PLCB1: variants seen among roughly 807,000 people sequenced by gnomAD.
The protein encoded by PLCB1 is 1-phosphatidylinositol 4,5-bisphosphate phosphodiesterase beta-1.
A neutral mutation model predicts 161.8 loss-of-function variants in PLCB1; 46 were observed. The observed-to-expected ratio is 0.28, with a 90% CI of 0.22 to 0.36. PLCB1 has a LOEUF of 0.36. PLCB1 is among the 10% of genes least tolerant of loss of function. The probability of loss-of-function intolerance (pLI) is 1.00; values close to 1 mark genes in which losing one functional copy is unlikely to be tolerated. For missense variants in PLCB1, 1,016 were observed against 1,472.5 expected, an observed-to-expected ratio of 0.69 and a Z score of 5.07; for synonymous variants, 517 against 503.7, an observed-to-expected ratio of 1.03 and a Z score of -0.35.
chr20:8,501,113 G>T (rs1440497562), intron 3 of PLCB1, among the ~76,000 whole-genome samples: 1 of 152,158 alleles, frequency 6.6e-6, no homozygotes, highest in Non-Finnish European at 1.5e-5. Context: ...TACACAAGAG[G>T]CACGCACTGT....
chr20:8,703,479 C>A (rs765388413), intron 11 of PLCB1, among the ~76,000 whole-genome samples: 1 of 152,092 alleles, frequency 6.6e-6, no homozygotes, highest in Non-Finnish European at 1.5e-5. Flanking sequence ...CTACGCTCAA[C>A]CCATGGCATC....
intron 2 of PLCB1, among the ~76,000 whole-genome samples, chr20:8,187,842 T>G (rs984655841): frequency 2.0e-5 from 3 of 151,796 alleles, no homozygotes; most frequent in Non-Finnish European, 2.9e-5. Context: ...CACTACATAT[T>G]TGGTGGTGGT....
intron 2 of PLCB1, among the ~76,000 whole-genome samples, chr20:8,277,723 A>C (rs907384829): frequency 6.6e-6 from 1 of 152,210 alleles, no homozygotes; most frequent in Admixed American, 6.5e-5. Context: ...ACTCAAGAGA[A>C]ATATGGATTT....
chr20:8,530,031 TC>T (rs372119728), intron 3 of PLCB1, among the ~76,000 whole-genome samples: 6 of 152,266 alleles, frequency 3.9e-5, no homozygotes, highest in African/African-American at 1.4e-4. Flanking sequence ...ACTGTCAGTG[TC>T]AAGCTTTTCA....
intron 3 of PLCB1, among the ~76,000 whole-genome samples, chr20:8,524,802 C>A (rs1984515881): frequency 6.6e-6 from 1 of 152,106 alleles, no homozygotes; most frequent in Admixed American, 6.6e-5. Flanking sequence ...GTTTAGAAGT[C>A]ATCTAAAAAT....
intron 3 of PLCB1, among the ~76,000 whole-genome samples, chr20:8,621,660 C>G (rs947676363): frequency 1.3e-5 from 2 of 152,094 alleles, no homozygotes; most frequent in East Asian, 1.9e-4. Flanking sequence ...TGAATGAGTG[C>G]TATTTAAGTT....
intron 2 of PLCB1, among the ~76,000 whole-genome samples, chr20:8,179,117 C>A (rs564194069): frequency 1.3e-5 from 2 of 152,216 alleles, no homozygotes; most frequent in African/African-American, 4.8e-5. Flanking sequence ...GCTATTCAGG[C>A]TCTTTTTTGA....
intron 2 of PLCB1, among the ~76,000 whole-genome samples, chr20:8,349,101 AAAC>A (rs1026048902): frequency 6.6e-6 from 1 of 152,148 alleles, no homozygotes. Context: ...ACATATAACA[AAAC>A]AATATTAAAA....
intron 9 of PLCB1, among the ~76,000 whole-genome samples, chr20:8,680,934 G>A (rs2123386815): frequency 6.6e-6 from 1 of 151,142 alleles, no homozygotes; most frequent in South Asian, 2.1e-4. Context: ...AGTAATATCT[G>A]TCTAGTTTGT....
chr20:8,273,021 A>G (rs1045308329), intron 2 of PLCB1, among the ~76,000 whole-genome samples: 1 of 152,178 alleles, frequency 6.6e-6, no homozygotes, highest in Non-Finnish European at 1.5e-5. Flanking sequence ...AGCAAATAAA[A>G]GTAAAGCAAT....
chr20:8,633,746 T>C (rs773213638), intron 4 of PLCB1, among the ~76,000 whole-genome samples: 1 of 152,022 alleles, frequency 6.6e-6, no homozygotes, highest in Non-Finnish European at 1.5e-5. Context: ...ATCCACCTAA[T>C]CAACATCCAG....
At chr20:8,644,030 C>T (rs977865381) in intron 4 of PLCB1, among the ~76,000 whole-genome samples, 19 of 152,324 alleles carry the variant, frequency 1.2e-4, no homozygotes, top group African/African-American at 4.6e-4. Context: ...CTCCTAGCCG[C>T]GAGTGATCTG....
At chr20:8,796,944 C>T (rs944391177) in intron 31 of PLCB1, among the ~76,000 whole-genome samples, 3 of 152,142 alleles carry the variant, frequency 2.0e-5, no homozygotes, top group South Asian at 4.1e-4. Flanking sequence ...CTTGTACTTC[C>T]TCTAGAAGTT....
At chr20:8,382,842 T>C (rs1232781) in intron 3 of PLCB1, among the ~76,000 whole-genome samples, 82,435 of 151,864 alleles carry the variant, frequency 0.54, 22,965 homozygotes, top group African/African-American at 0.67. Flanking sequence ...CCACCACACC[T>C]GGCCTTGAGT....
At chr20:8,572,553 A>C (rs893735691) in intron 3 of PLCB1, among the ~76,000 whole-genome samples, 2 of 152,220 alleles carry the variant, frequency 1.3e-5, no homozygotes, top group African/African-American at 2.4e-5. Flanking sequence ...TTTGAGCCTC[A>C]TTGAACTCTC....
intron 2 of PLCB1, among the ~76,000 whole-genome samples, chr20:8,324,663 T>C (rs922276915): frequency 6.6e-6 from 1 of 152,202 alleles, no homozygotes; most frequent in Non-Finnish European, 1.5e-5. Context: ...TGAAAGAGAA[T>C]AAGACCATTA....
chr20:8,841,002 A>T (rs560205438), intron 31 of PLCB1, among the ~76,000 whole-genome samples: 89 of 152,132 alleles, frequency 5.9e-4, no homozygotes, highest in African/African-American at 2.0e-3. Context: ...AATACAAAAA[A>T]AATTTTTGTA....
chr20:8,190,275 C>T (rs1047553559), intron 2 of PLCB1, among the ~76,000 whole-genome samples: 12 of 152,146 alleles, frequency 7.9e-5, no homozygotes, highest in South Asian at 2.1e-4. Context: ...TCAGGATGTA[C>T]GAACCACCTG....
chr20:8,547,814 T>G (rs1159286889), intron 3 of PLCB1, among the ~76,000 whole-genome samples: 1 of 152,220 alleles, frequency 6.6e-6, no homozygotes, highest in African/African-American at 2.4e-5. Context: ...TTCATTGCTT[T>G]TAGTATAAAT....
Sources: gnomAD v4.1 joint callset for allele counts (sites outside exome capture counted in the v4.1 genomes callset) on GRCh38, gnomAD v4.1.1 for gene constraint, MANE v1.5 for transcripts, NCBI Gene and HGNC (gene_info 2026-07-23, HGNC 2026-07-21) for gene names.